The following PALLD variants were observed in gnomAD, a reference collection of about 807,000 sequenced individuals.
PALLD encodes the protein palladin, cytoskeletal associated protein.
In PALLD, 61 loss-of-function variants were observed where a neutral mutation model predicts 123.5. The ratio of observed to expected loss-of-function variants is 0.49; its 90% CI spans 0.40 to 0.61. The LOEUF (loss-of-function observed/expected upper bound fraction) is 0.61. Among genes scored for constraint, PALLD ranks in the 20% least tolerant of loss-of-function variants. The probability of loss-of-function intolerance (pLI) is 0.00; values close to 1 mark genes in which losing one functional copy is unlikely to be tolerated. For missense variants in PALLD, 1,273 were observed against 1,377.0 expected (o/e 0.92, Z 1.20); for synonymous variants, 465 against 496.4 (o/e 0.94, Z 0.84).
intron 10 of PALLD, among the ~76,000 whole-genome samples, chr4:168,774,726 T>G (rs1339670683): frequency 4.1e-5 from 2 of 48,598 alleles, no homozygotes; most frequent in Non-Finnish European, 6.2e-5. Flanking sequence ...AGACTGCATC[T>G]CAAAAAAAAA....
intron 3 of PALLD, among the ~76,000 whole-genome samples, chr4:168,671,356 A>G (rs1780258604): frequency 6.6e-6 from 1 of 152,172 alleles, no homozygotes; most frequent in Admixed American, 6.5e-5. Flanking sequence ...CTAGTTCTAT[A>G]TGGTACGTAT....
At chr4:168,617,723 C>T (rs1470119455) in intron 2 of PALLD, among the ~76,000 whole-genome samples, 1 of 152,108 alleles carries the variant, frequency 6.6e-6, no homozygotes, top group Non-Finnish European at 1.5e-5. Context: ...CTTAGAAAAC[C>T]AACCATACAA....
At chr4:168,705,311 A>G (rs1319722388) in intron 8 of PALLD, among the ~76,000 whole-genome samples, 1 of 152,210 alleles carries the variant, frequency 6.6e-6, no homozygotes, top group Non-Finnish European at 1.5e-5. Flanking sequence ...AATTATCTCC[A>G]TATCTGCAGC....
At chr4:168,650,324 A>G (rs1407863027) in intron 2 of PALLD, among the ~76,000 whole-genome samples, 2 of 152,252 alleles carry the variant, frequency 1.3e-5, no homozygotes, top group Non-Finnish European at 2.9e-5. Flanking sequence ...AAGATAAGTT[A>G]CAACCCTCCA....
At chr4:168,871,298 G>A (rs1185446479) in intron 10 of PALLD, among the ~76,000 whole-genome samples, 12 of 152,070 alleles carry the variant, frequency 7.9e-5, no homozygotes, top group South Asian at 2.1e-4. Context: ...TGCCAAATTC[G>A]TCATTTCATT....
intron 10 of PALLD, among the ~76,000 whole-genome samples, chr4:168,886,463 G>A (rs1040980923): frequency 4.6e-5 from 7 of 152,066 alleles, no homozygotes; most frequent in African/African-American, 1.7e-4. Context: ...GCAACATAGG[G>A]AGAACCTGTC....
chr4:168,898,327 C>T (rs1212847568), intron 13 of PALLD, 166 bp from the exon 14 acceptor site: 2 of 657,074 alleles, frequency 3.0e-6, no homozygotes, highest in African/African-American at 3.6e-5. Context: ...AAACTCACTT[C>T]CAGATGTTTT....
chr4:168,666,303 T>C (rs555867030), intron 2 of PALLD, among the ~76,000 whole-genome samples: 2 of 152,336 alleles, frequency 1.3e-5, no homozygotes, highest in African/African-American at 4.8e-5. Flanking sequence ...TTATGGAATG[T>C]AGAAACACTC....
chr4:168,776,885 T>A (rs1431451420), intron 10 of PALLD, among the ~76,000 whole-genome samples: 3 of 152,222 alleles, frequency 2.0e-5, no homozygotes, highest in Non-Finnish European at 4.4e-5. Context: ...CATATTTAGT[T>A]TTTTTATGTG....
intron 10 of PALLD, among the ~76,000 whole-genome samples, chr4:168,807,872 A>T (rs946788553): frequency 1.3e-5 from 2 of 151,526 alleles, no homozygotes; most frequent in Admixed American, 1.3e-4. Context: ...TGCCCAGCTA[A>T]TTTTTGTATT....
At chr4:168,600,604 T>G (rs1406335851) in intron 2 of PALLD, among the ~76,000 whole-genome samples, 1 of 152,114 alleles carries the variant, frequency 6.6e-6, no homozygotes, top group Non-Finnish European at 1.5e-5. Flanking sequence ...GACCAGAACT[T>G]TAGGAAAAAC....
chr4:168,738,256 T>C (rs1787952709), intron 10 of PALLD, among the ~76,000 whole-genome samples: 1 of 152,032 alleles, frequency 6.6e-6, no homozygotes, highest in African/African-American at 2.4e-5. Flanking sequence ...AATGGCTTGA[T>C]CATGGATTGG....
chr4:168,598,953 T>C (rs1289330549), intron 2 of PALLD, among the ~76,000 whole-genome samples: 2 of 152,204 alleles, frequency 1.3e-5, no homozygotes, highest in Non-Finnish European at 2.9e-5. Context: ...ATTTTAAAGA[T>C]GACCAAAAAC....
At position 168,837,845 on chromosome 4, in the gene PALLD, G is replaced by A. The variant is rs72701889; in HGVS notation, c.1965-53077G>A. 7.3e-3 allele frequency among the ~76,000 whole-genome samples: 1,105 copies of A among 152,288 alleles called. 4 individuals are homozygous for A. Among genetic ancestry groups the A allele is most frequent in the Non-Finnish European group, 0.013 (858 of 68,024 alleles). On this transcript the variant is annotated intron_variant, in intron 10 of 21. Coordinates refer to ENST00000505667, the MANE Select transcript of PALLD (RefSeq NM_001166108.2). ...AGTGAATGAAATGGACAAATATGCCGAAATCCTTGCCCTCGTGGAGCTTAT... is the reference window on the plus strand; with the variant it reads ...AGTGAATGAAATGGACAAATATGCCAAAATCCTTGCCCTCGTGGAGCTTAT...
chr4:168,899,440 CAT>C (rs1755973524), intron 14 of PALLD, among the ~76,000 whole-genome samples: 1 of 152,160 alleles, frequency 6.6e-6, no homozygotes, highest in Non-Finnish European at 1.5e-5. Flanking sequence ...TACACTATCA[CAT>C]GATAGGGAGC....
Position 168,511,567 on chromosome 4 carries a change from C to T in PALLD, c.63C>T (p.Ser21=). 3 of 1,614,006 alleles carry T rather than the reference C, an allele frequency of 1.9e-6. No individual in the cohort carries two copies. Among genetic ancestry groups the T allele is most frequent in the Non-Finnish European group, 2.5e-6 (3 of 1,179,882 alleles). ...CCCTCTCAGACATGCAGGAAGAAAG[C>T]AAGAATACTGACTTCTTCCCGGGCC... ...YDSLSDMQEE[S]KNTDFFPGLS... is the part of the protein sequence containing the mutation. Residue 21 remains serine (S), a synonymous_variant, in exon 2 of 22, where the codon AGC becomes AGT. Coordinates refer to ENST00000505667, the MANE Select transcript of PALLD (RefSeq NM_001166108.2).
At chr4:168,665,674 T>G (rs1300258677) in intron 2 of PALLD, among the ~76,000 whole-genome samples, 1 of 152,188 alleles carries the variant, frequency 6.6e-6, no homozygotes, top group Non-Finnish European at 1.5e-5. Context: ...GACCAACACT[T>G]CTTAAAGTGC....
At chr4:168,864,172 C>T (rs1484805859) in intron 10 of PALLD, among the ~76,000 whole-genome samples, 2 of 152,266 alleles carry the variant, frequency 1.3e-5, no homozygotes, top group South Asian at 2.1e-4. Flanking sequence ...CATAGAACCA[C>T]GGGACAGTCA....
intron 8 of PALLD, among the ~76,000 whole-genome samples, chr4:168,698,643 G>A (rs565188035): frequency 6.6e-6 from 1 of 152,134 alleles, no homozygotes; most frequent in East Asian, 1.9e-4. Flanking sequence ...ATATTTCCCA[G>A]ATTCACTCAA....
Sources: gnomAD v4.1 joint callset for allele counts (sites outside exome capture counted in the v4.1 genomes callset) on GRCh38, gnomAD v4.1.1 for gene constraint, MANE v1.5 for transcripts, NCBI Gene and HGNC (gene_info 2026-07-23, HGNC 2026-07-21) for gene names.